The following RBFOX1 variants were observed in gnomAD, a reference collection of about 807,000 sequenced individuals.
The protein encoded by RBFOX1 is RNA binding fox-1 homolog 1.
Under a neutral mutation model 57.7 loss-of-function variants are expected in RBFOX1, and 8 were observed. That is an observed-to-expected ratio of 0.14 (90% CI 0.08 to 0.25). The LOEUF (loss-of-function observed/expected upper bound fraction) is 0.25, where lower values mean the gene tolerates loss of function less well. RBFOX1 is among the 10% of genes least tolerant of loss of function. The pLI is 1.00. For missense variants in RBFOX1, 611 were observed against 548.5 expected (o/e 1.11, Z -1.14); for synonymous variants, 326 against 222.4 (o/e 1.47, Z -4.15).
intron 2 of RBFOX1, among the ~76,000 whole-genome samples, chr16:6,407,916 G>A (rs1245057734): frequency 6.6e-6 from 1 of 152,146 alleles, no homozygotes; most frequent in Non-Finnish European, 1.5e-5. Context: ...ATATGTTGAA[G>A]CCTGATTCTC....
intron 4 of RBFOX1, among the ~76,000 whole-genome samples, chr16:5,884,349 C>G (rs2057841703): frequency 6.6e-6 from 1 of 152,104 alleles, no homozygotes; most frequent in African/African-American, 2.4e-5. Flanking sequence ...GCTTTTGAGT[C>G]TGGCTTCCCA....
chr16:6,817,340 C>A (rs999134823), intron 3 of RBFOX1, among the ~76,000 whole-genome samples: 1 of 152,032 alleles, frequency 6.6e-6, no homozygotes, highest in Non-Finnish European at 1.5e-5. Context: ...ACCCTGCTTA[C>A]CTGTTAGCTG....
intron 1 of RBFOX1, among the ~76,000 whole-genome samples, chr16:5,374,187 C>T (rs111485928): frequency 6.6e-6 from 1 of 152,266 alleles, no homozygotes; most frequent in Non-Finnish European, 1.5e-5. Context: ...TTCCACCCAC[C>T]TCGGCCTTCC....
At chr16:6,584,136 G>T (rs1398013781) in intron 2 of RBFOX1, among the ~76,000 whole-genome samples, 2 of 151,770 alleles carry the variant, frequency 1.3e-5, no homozygotes, top group Non-Finnish European at 2.9e-5. Context: ...AATGTATTCT[G>T]TGTTCCTATT....
chr16:5,587,433 C>A (rs2046869012), intron 2 of RBFOX1, among the ~76,000 whole-genome samples: 1 of 152,202 alleles, frequency 6.6e-6, no homozygotes, highest in Admixed American at 6.5e-5. Flanking sequence ...GATAATTGGG[C>A]CTGGTGCGGT....
chr16:6,997,846 C>G (rs572462896), intron 3 of RBFOX1, among the ~76,000 whole-genome samples: 1 of 152,052 alleles, frequency 6.6e-6, no homozygotes, highest in African/African-American at 2.4e-5. Context: ...CTAGTAATAG[C>G]AGGAAACAGT....
At chr16:5,396,629 A>T (rs1296975096) in intron 1 of RBFOX1, among the ~76,000 whole-genome samples, 1 of 152,150 alleles carries the variant, frequency 6.6e-6, no homozygotes, top group Non-Finnish European at 1.5e-5. Context: ...ATGACAGAAC[A>T]AGACTCTGTC....
intron 4 of RBFOX1, among the ~76,000 whole-genome samples, chr16:7,155,738 T>TACACACACACACAC (rs138509367): frequency 1.2e-4 from 9 of 75,520 alleles, no homozygotes; most frequent in Admixed American, 6.2e-4. Context: ...TATATATATA[T>TACACACACACACAC]ACACACACAC....
At chr16:6,254,402 G>C (rs1347324935) in intron 1 of RBFOX1, among the ~76,000 whole-genome samples, 2 of 152,140 alleles carry the variant, frequency 1.3e-5, no homozygotes, top group Non-Finnish European at 2.9e-5. Context: ...GGAAATAAGA[G>C]CTTTCTGGAT....
chr16:7,531,984 C>T (rs2080209838), intron 5 of RBFOX1, among the ~76,000 whole-genome samples: 1 of 152,098 alleles, frequency 6.6e-6, no homozygotes. Flanking sequence ...CAAGAGGAAG[C>T]CTGGATTTCC....
intron 11 of RBFOX1, 83 bp from the exon 12 acceptor site, chr16:7,653,732 G>C (rs1217820377): frequency 6.3e-6 from 10 of 1,581,570 alleles, no homozygotes; most frequent in African/African-American, 1.3e-5. Flanking sequence ...GCAGGGACAA[G>C]GGTTCCCGGG....
upstream of RBFOX1, among the ~76,000 whole-genome samples, chr16:6,017,637 G>T (rs1263665424): frequency 5.9e-5 from 9 of 152,148 alleles, 1 homozygote; most frequent in African/African-American, 9.7e-5. Flanking sequence ...TATCTTTCTG[G>T]ATTTTGCAAA....
At chr16:7,304,635 C>G (rs2096128264) in intron 4 of RBFOX1, 1 of 964,902 alleles carries the variant, frequency 1.0e-6, no homozygotes, top group Non-Finnish European at 1.2e-6. Flanking sequence ...AAGCCTCCTG[C>G]TCTCTGTGGA....
intron 4 of RBFOX1, chr16:7,304,469 T>C: frequency 1.0e-6 from 1 of 985,120 alleles, no homozygotes; most frequent in Non-Finnish European, 1.2e-6. Flanking sequence ...GCCTTGACTT[T>C]TATGTACTTA....
In RBFOX1 at chr16:6,259,021, G is replaced by T. The variant is rs543971647; in HGVS notation, c.-126-57974G>T. Among the ~76,000 whole-genome samples the T allele has an allele frequency of 2.8e-3, 425 of 152,262 alleles. 2 individuals are homozygous for T. The highest frequency in any genetic ancestry group is 6.8e-3 in the Middle Eastern group (2 of 294). ...AATAACAAGATATAGACTTTCTTAT[G>T]CTCACTTTCTAAATCAAAATTGTTA... On this transcript the variant is annotated intron_variant, in intron 1 of 15. Transcript: ENST00000550418.
At chr16:5,830,135 G>A (rs1040343927) in intron 3 of RBFOX1, among the ~76,000 whole-genome samples, 17 of 152,202 alleles carry the variant, frequency 1.1e-4, no homozygotes, top group South Asian at 6.2e-4. Flanking sequence ...TTTGCAAATC[G>A]TCCTGGATAC....
At chr16:6,122,010 A>G (rs1024877604) in intron 1 of RBFOX1, among the ~76,000 whole-genome samples, 1 of 152,054 alleles carries the variant, frequency 6.6e-6, no homozygotes, top group Non-Finnish European at 1.5e-5. Flanking sequence ...GGTTCAAGCA[A>G]TTCTCCTGCC....
intron 4 of RBFOX1, among the ~76,000 whole-genome samples, chr16:7,120,769 G>C (rs897685820): frequency 6.8e-6 from 1 of 146,812 alleles, no homozygotes; most frequent in Admixed American, 6.9e-5. Flanking sequence ...CTCAATTTAT[G>C]AGTCTAACAT....
chr16:6,032,891 T>TC (rs531381532), intron 1 of RBFOX1, among the ~76,000 whole-genome samples: 2 of 148,982 alleles, frequency 1.3e-5, no homozygotes, highest in Non-Finnish European at 1.5e-5. Context: ...AGTTTTTTTT[T>TC]TTTTTTTCCC....
Sources: gnomAD v4.1 joint callset for allele counts (sites outside exome capture counted in the v4.1 genomes callset) on GRCh38, gnomAD v4.1.1 for gene constraint, MANE v1.5 for transcripts, NCBI Gene and HGNC (gene_info 2026-07-23, HGNC 2026-07-21) for gene names.